CIAO1: variants seen among roughly 807,000 people sequenced by gnomAD.
CIAO1 encodes cytosolic iron-sulfur assembly component 1, also known as probable cytosolic iron-sulfur protein assembly protein CIAO1.
Under a neutral mutation model 43.1 loss-of-function variants are expected in CIAO1, and 32 were observed. The ratio of observed to expected loss-of-function variants is 0.74; its 90% CI spans 0.56 to 1.00. CIAO1 has a LOEUF of 1.00. Among genes scored for constraint, CIAO1 ranks in the 50% least tolerant of loss-of-function variants. The pLI is 0.00. For synonymous variants in CIAO1, 183 were observed against 171.4 expected (o/e 1.07, Z -0.53); for missense variants, 415 against 437.4 (o/e 0.95, Z 0.46).
chr2:96,266,797 A>T (rs1421633156), intron 1 of CIAO1, among the ~76,000 whole-genome samples: 1 of 152,232 alleles, frequency 6.6e-6, no homozygotes. Flanking sequence ...TCCCGAGGGC[A>T]TTGGGGAACC....
intron 6 of CIAO1, among the ~76,000 whole-genome samples, chr2:96,270,515 A>AC (rs1164932690): frequency 1.3e-5 from 2 of 149,348 alleles, no homozygotes; most frequent in African/African-American, 5.0e-5. Flanking sequence ...AAAAAAAAAA[A>AC]AACTTTATGA....
At chr2:96,268,700 G>A (rs2104316751) in intron 5 of CIAO1, 42 bp downstream of exon 5, 2 of 1,599,280 alleles carry the variant, frequency 1.3e-6, no homozygotes, top group East Asian at 4.5e-5. Context: ...CATCTCTCAA[G>A]GGGTTCACAG....
Position 96,267,342 on chromosome 2 carries a change from C to T in CIAO1, c.161C>T (p.Ser54Phe), listed in dbSNP as rs141372500. Residue 54 changes from serine to phenylalanine, a missense_variant, in exon 2 of 7, where the codon TCT (serine) becomes TTT (phenylalanine). Physicochemically the swap from Ser to Phe is radical, Grantham distance 155. Transcript: ENST00000488633. ...TTAGGTGACAGCTGGATCTGCAAGT[C>T]TGTCCTTTCTGAAGGCCACCAGCGC... ...GTEGDSWICK[S>F]VLSEGHQRTV... is the part of the protein sequence containing the mutation. 1.5e-5 allele frequency: 24 copies of T among 1,613,588 alleles called. No homozygotes were observed. Among genetic ancestry groups the T allele is most frequent in the Non-Finnish European group, 2.0e-5 (24 of 1,179,678 alleles).
In CIAO1 at chr2:96,269,077, T is replaced by G. The variant is rs916452242; in HGVS notation, c.692-191T>G. The G allele has an allele frequency of 2.7e-5, 17 of 619,912 alleles. No individual in the cohort carries two copies. In the African/African-American group the frequency reaches 3.1e-4, roughly 11 times the overall value. 38.4% of individuals were successfully genotyped at this position (619,912 alleles called of 1,614,324 possible). ...CAGTCTGCAACAGAACAGGGATGTT[T>G]CCTCGGAATTCTGCTTGAGAAACGC... On this transcript the variant is annotated intron_variant, in intron 5 of 6. Coordinates refer to ENST00000488633, the MANE Select transcript of CIAO1 (RefSeq NM_004804.3).
At position 96,273,662 on chromosome 2, in the gene CIAO1, CAAAA is replaced by C. The variant is rs57198918; in HGVS notation, c.*2332_*2335del. Among the ~76,000 whole-genome samples the C allele has an allele frequency of 8.9e-5, 5 of 55,990 alleles. No homozygotes were observed. The highest frequency in any genetic ancestry group is 7.4e-4 in the South Asian group (1 of 1,344). 36.7% of individuals were successfully genotyped at this position (55,990 alleles called of 152,430 possible). A position where few individuals can be genotyped will look rare whatever the true frequency, so the allele number is the denominator to read the frequency against. ...TGGGTGACAGAGCGAGACTCCATTT[CAAAA>C]AAAAAAAAAAAAAAAAAAAATCACT... On this transcript the variant is annotated 3_prime_UTR_variant, in exon 7 of 7. Coordinates refer to ENST00000488633, the MANE Select transcript of CIAO1 (RefSeq NM_004804.3).
In CIAO1 at chr2:96,274,033, A is replaced by ACTC. The variant is rs1684607317; in HGVS notation, c.*2683_*2685dup. ...AGGTCAGCCTGGGCAACATGGCTAA[A>ACTC]CTCTGTCTCTATTAAGAAAAAAAAT... On this transcript the variant is annotated 3_prime_UTR_variant, in exon 7 of 7. Transcript: ENST00000488633. Among the ~76,000 whole-genome samples, 3 of 152,006 alleles carry ACTC rather than the reference A, an allele frequency of 2.0e-5. No homozygotes were observed. Among genetic ancestry groups the ACTC allele is most frequent in the Non-Finnish European group, 4.4e-5 (3 of 68,012 alleles).
Position 96,271,491 on chromosome 2 carries a change from A to G in CIAO1, c.*140A>G, listed in dbSNP as rs1227331471. 9.8e-6 allele frequency: 10 copies of G among 1,020,660 alleles called. No homozygotes were observed. The highest frequency in any genetic ancestry group is 1.4e-5 in the Non-Finnish European group (10 of 715,858). 63.2% of individuals were successfully genotyped at this position (1,020,660 alleles called of 1,614,324 possible). A position where few individuals can be genotyped will look rare whatever the true frequency, so the allele number is the denominator to read the frequency against. ...TCTCTTCAGACTTGGGTAGAAGTGC[A>G]GAGCCACAGAATTGCTTTCCTTCCC... On this transcript the variant is annotated 3_prime_UTR_variant, in exon 7 of 7. Transcript: ENST00000488633.
At position 96,267,753 on chromosome 2, in the gene CIAO1, C is replaced by T. The variant is rs1289043314; in HGVS notation, c.400+17C>T. On this transcript the variant is annotated intron_variant, in intron 3 of 6. Transcript: ENST00000488633. Reference sequence around the variant, plus strand: ...TCTGGGAAGGTGAGGCCAGGTCCCTCCAGGTGGATTGGGAACCACCTGACA... The same window carrying T: ...TCTGGGAAGGTGAGGCCAGGTCCCTTCAGGTGGATTGGGAACCACCTGACA... 1 of 1,613,350 alleles carries T rather than the reference C, an allele frequency of 6.2e-7. No individual in the cohort carries two copies. Among genetic ancestry groups the T allele is most frequent in the East Asian group, 2.2e-5 (1 of 44,882 alleles).
Position 96,271,535 on chromosome 2 carries a change from T to A in CIAO1, c.*184T>A. 2 of 649,020 alleles carry A rather than the reference T, an allele frequency of 3.1e-6. No individual in the cohort carries two copies. The highest frequency in any genetic ancestry group is 5.2e-6 in the Non-Finnish European group (2 of 384,734). 40.2% of individuals were successfully genotyped at this position (649,020 alleles called of 1,614,324 possible). On this transcript the variant is annotated 3_prime_UTR_variant, in exon 7 of 7. Coordinates refer to ENST00000488633, the MANE Select transcript of CIAO1 (RefSeq NM_004804.3). ...CCTTCCCCGCCTTTGACATGAGGCCTTCAGTAAAGAGCTACAGAACATGAG... is the reference window on the plus strand; with the variant it reads ...CCTTCCCCGCCTTTGACATGAGGCCATCAGTAAAGAGCTACAGAACATGAG...
rs80076034 is a variant in CIAO1, at chr2:96,273,782, A to C, written c.*2431A>C. Among the ~76,000 whole-genome samples, 2,799 of 152,282 alleles carry C rather than the reference A, an allele frequency of 0.018. 46 individuals are homozygous for C. The highest frequency in any genetic ancestry group is 0.028 in the South Asian group (135 of 4,826). ...CCAACTGCGTATCTGTGTGAAGTCA[A>C]CTTACTTCAACAAAAAAGTTTGGAT... is the stretch of plus-strand genomic sequence containing the variant. On this transcript the variant is annotated 3_prime_UTR_variant, in exon 7 of 7. Coordinates refer to ENST00000488633, the MANE Select transcript of CIAO1 (RefSeq NM_004804.3).
At position 96,271,222 on chromosome 2, in the gene CIAO1, C is replaced by T. The variant is rs150585467; in HGVS notation, c.891C>T (p.His297=). Residue 297 remains histidine (H), a synonymous_variant, in exon 7 of 7, where the codon CAC becomes CAT. Transcript: ENST00000488633. ...AGCCCACCTTCTCCCTGACAGCCCACTTGCATCAGGCCCATTCCCAGGATG... is the reference window on the plus strand; with the variant it reads ...AGCCCACCTTCTCCCTGACAGCCCATTTGCATCAGGCCCATTCCCAGGATG... ...PQQPTFSLTA[H]LHQAHSQDVN... The T allele has an allele frequency of 5.6e-6, 9 of 1,614,160 alleles. No individual in the cohort carries two copies. Among genetic ancestry groups the T allele is most frequent in the African/African-American group, 4.0e-5 (3 of 74,950 alleles).
intron 1 of CIAO1, 49 bp from the exon 2 acceptor site, chr2:96,267,272 T>C (rs1209730683): frequency 1.3e-6 from 2 of 1,563,818 alleles, no homozygotes; most frequent in South Asian, 1.2e-5. Flanking sequence ...TTGAATGGCT[T>C]CATGGTGCTG....
At position 96,274,168 on chromosome 2, in the gene CIAO1, A is replaced by C. The variant is rs1057387807; in HGVS notation, c.*2817A>C. 1.8e-4 allele frequency among the ~76,000 whole-genome samples: 24 copies of C among 133,846 alleles called. No homozygotes were observed. Among genetic ancestry groups the C allele is most frequent in the African/African-American group, 3.9e-4 (15 of 38,040 alleles). 87.8% of individuals were successfully genotyped at this position (133,846 alleles called of 152,430 possible). On this transcript the variant is annotated 3_prime_UTR_variant, in exon 7 of 7. Coordinates refer to ENST00000488633, the MANE Select transcript of CIAO1 (RefSeq NM_004804.3). ...AATTTGTTATTTAAAAAGAAAAAAA[A>C]AAAAACAAAAACCTGAGTTTCTTAG...
chr2:96,269,429 C>A, intron 6 of CIAO1, 74 bp downstream of exon 6: 1 of 1,356,560 alleles, frequency 7.4e-7, no homozygotes, highest in Non-Finnish European at 1.1e-6. Flanking sequence ...CCTATGCAGT[C>A]CTCTGCAACC....
intron 6 of CIAO1, 53 bp from the exon 7 acceptor site, chr2:96,271,058 G>T (rs1393001109): frequency 6.2e-7 from 1 of 1,606,666 alleles, no homozygotes; most frequent in Admixed American, 1.7e-5. Context: ...TATGGAACAG[G>T]TCTCTCTGGC....
rs1262371318 is a variant in CIAO1 at position 96,274,032 on chromosome 2, AACTCTGTCTCT to A, written c.*2683_*2693del. ...AAGGTCAGCCTGGGCAACATGGCTA[AACTCTGTCTCT>A]ATTAAGAAAAAAAATGTTAACATTA... is the stretch of plus-strand genomic sequence containing the variant. On this transcript the variant is annotated 3_prime_UTR_variant, in exon 7 of 7. Coordinates refer to ENST00000488633, the MANE Select transcript of CIAO1 (RefSeq NM_004804.3). 6.6e-6 allele frequency among the ~76,000 whole-genome samples: 1 copy of A among 152,074 alleles called. No individual in the cohort carries two copies. Among genetic ancestry groups the A allele is most frequent in the Non-Finnish European group, 1.5e-5 (1 of 68,010 alleles).
At chr2:96,266,562 G>A in intron 1 of CIAO1, 73 bp downstream of exon 1, 1 of 1,299,370 alleles carries the variant, frequency 7.7e-7, no homozygotes. Context: ...CGCTCAGCCT[G>A]CAGGGGAGGC....
rs1553438726 is a variant in CIAO1, at chr2:96,273,952, T to TA, written c.*2603dup. On this transcript the variant is annotated 3_prime_UTR_variant, in exon 7 of 7. Transcript: ENST00000488633. Reference sequence around the variant, plus strand: ...GGCTGGGCATGGTGGCTCATGCCTGTAATCCCAGCACTCTGGGAGGCTGAG... The same window carrying TA: ...GGCTGGGCATGGTGGCTCATGCCTGTAAATCCCAGCACTCTGGGAGGCTGAG... Among the ~76,000 whole-genome samples, 1 of 151,958 alleles carries TA rather than the reference T, an allele frequency of 6.6e-6. No homozygotes were observed. The highest frequency in any genetic ancestry group is 1.5e-5 in the Non-Finnish European group (1 of 67,994).
chr2:96,269,211 C>G (rs1397547496), intron 5 of CIAO1, 57 bp from the exon 6 acceptor site: 2 of 1,498,794 alleles, frequency 1.3e-6, no homozygotes, highest in Non-Finnish European at 9.3e-7. Context: ...GTTAGGTTCT[C>G]CTTTGAGGTG....
Sources: allele counts gnomAD v4.1 joint callset (sites outside exome capture counted in the v4.1 genomes callset), GRCh38; gene constraint gnomAD v4.1.1; transcripts MANE v1.5; gene names NCBI Gene and HGNC (gene_info 2026-07-23, HGNC 2026-07-21).